Variants in ZBTB20 observed in about 807,000 individuals in gnomAD.
ZBTB20 encodes the protein zinc finger and BTB domain-containing protein 20.
In ZBTB20, 9 loss-of-function variants were observed where a neutral mutation model predicts 56.9. The observed-to-expected ratio is 0.16, with a 90% CI of 0.10 to 0.28. The LOEUF is 0.28. Among genes scored for constraint, ZBTB20 ranks in the 10% least tolerant of loss-of-function variants. The probability of loss-of-function intolerance (pLI) is 1.00; values close to 1 mark genes in which losing one functional copy is unlikely to be tolerated. For missense variants in ZBTB20, 655 were observed against 1,003.0 expected (o/e 0.65, Z 4.69); for synonymous variants, 417 against 420.7 (o/e 0.99, Z 0.11).
At chr3:115,065,650 T>A (rs1310698289) in intron 2 of ZBTB20, among the ~76,000 whole-genome samples, 1 of 152,176 alleles carries the variant, frequency 6.6e-6, no homozygotes, top group Non-Finnish European at 1.5e-5. Flanking sequence ...AGAGCTATAA[T>A]CATGCTATTC....
chr3:114,520,903 T>C (rs1559904850), intron 6 of ZBTB20, among the ~76,000 whole-genome samples: 1 of 152,128 alleles, frequency 6.6e-6, no homozygotes, highest in Non-Finnish European at 1.5e-5. Flanking sequence ...CTGCCAAAGT[T>C]CCATACCTAG....
chr3:114,374,357 C>T (rs2083375670), intron 10 of ZBTB20, among the ~76,000 whole-genome samples: 1 of 152,198 alleles, frequency 6.6e-6, no homozygotes, highest in Non-Finnish European at 1.5e-5. Context: ...ACCAAAGACA[C>T]TCTATTACTG....
intron 6 of ZBTB20, among the ~76,000 whole-genome samples, chr3:114,590,023 T>C (rs1016880034): frequency 2.0e-5 from 3 of 152,212 alleles, no homozygotes; most frequent in African/African-American, 7.2e-5. Context: ...CTGAGTATAT[T>C]GGTAATGGGT....
At chr3:115,051,406 G>C (rs2081542419) in intron 2 of ZBTB20, among the ~76,000 whole-genome samples, 1 of 152,098 alleles carries the variant, frequency 6.6e-6, no homozygotes, top group Admixed American at 6.5e-5. Flanking sequence ...CTGAGAAAGT[G>C]ATGTTTAAGC....
intron 6 of ZBTB20, among the ~76,000 whole-genome samples, chr3:114,619,396 G>T (rs565188432): frequency 5.3e-5 from 8 of 152,234 alleles, no homozygotes; most frequent in South Asian, 2.1e-4. Flanking sequence ...AAAAAAATTG[G>T]TTTAGGGGAC....
chr3:114,719,716 T>C (rs1470013043), intron 5 of ZBTB20, among the ~76,000 whole-genome samples: 3 of 152,142 alleles, frequency 2.0e-5, no homozygotes, highest in Non-Finnish European at 4.4e-5. Flanking sequence ...TATTGTTCTC[T>C]GGTTAGGATT....
chr3:115,079,851 GCATTA>G lies in ZBTB20; in HGVS notation c.-702-8442_-702-8438del, dbSNP rs370356923. Among the ~76,000 whole-genome samples the G allele has an allele frequency of 5.8e-4, 89 of 152,282 alleles. No individual in the cohort carries two copies. In the East Asian group the frequency reaches 0.011, roughly 18 times the overall value. ...AAAATAATTGCTCAAGTGACATATT[GCATTA>G]CATTACATTACATTATTAATGGATA... On this transcript the variant is annotated intron_variant, in intron 1 of 11. Coordinates refer to ENST00000675478, the MANE Select transcript of ZBTB20 (RefSeq NM_001348800.3).
At position 114,326,033 on chromosome 3, in the gene ZBTB20, A is replaced by G. The variant is rs1395031063; in HGVS notation, c.*12972T>C. 1 of 152,076 alleles carries G rather than the reference A, an allele frequency of 6.6e-6. No homozygotes were observed. The highest frequency in any genetic ancestry group is 1.5e-5 in the Non-Finnish European group (1 of 68,008). The allele number at this position is 152,076 out of a possible 1,614,324, so 9.4% of individuals were successfully genotyped here. A position where few individuals can be genotyped will look rare whatever the true frequency, so the allele number is the denominator to read the frequency against. ...GGGGTGTGGGGAAGGAGAGAGAAGC[A>G]ATGGGGAAACAGGTGTTTCTCTACT... On this transcript the variant is annotated 3_prime_UTR_variant, in exon 12 of 12. Transcript: ENST00000675478.
In ZBTB20 at chr3:115,078,613, G is replaced by GTGTGTGTGTGTATATATA. The variant is rs769630983; in HGVS notation, c.-702-7200_-702-7199insTATATATACACACACACA. Among the ~76,000 whole-genome samples, 196 of 137,794 alleles carry GTGTGTGTGTGTATATATA rather than the reference G, an allele frequency of 1.4e-3. 1 individual carries two copies. The highest frequency in any genetic ancestry group is 5.4e-3 in the African/African-American group (190 of 35,414). The allele number at this position is 137,794 out of a possible 152,430, so 90.4% of individuals were successfully genotyped here. ...TAAGAATATGTGTGTGTGTGTGTGT[G>GTGTGTGTGTGTATATATA]TATATATATATATATATATATATAT... is the stretch of plus-strand genomic sequence containing the variant. On this transcript the variant is annotated intron_variant, in intron 1 of 11. Coordinates refer to ENST00000675478, the MANE Select transcript of ZBTB20 (RefSeq NM_001348800.3).
intron 7 of ZBTB20, among the ~76,000 whole-genome samples, chr3:114,493,180 A>C (rs1296962639): frequency 6.6e-6 from 1 of 152,228 alleles, no homozygotes; most frequent in African/African-American, 2.4e-5. Context: ...CTTGTGATTA[A>C]AACCAGTTAT....
At chr3:114,408,257 G>C (rs1447377783) in intron 7 of ZBTB20, among the ~76,000 whole-genome samples, 1 of 152,194 alleles carries the variant, frequency 6.6e-6, no homozygotes, top group Non-Finnish European at 1.5e-5. Flanking sequence ...TCTGGATACA[G>C]AGAATTTGCA....
intron 7 of ZBTB20, among the ~76,000 whole-genome samples, chr3:114,456,529 T>C (rs1369014426): frequency 6.6e-6 from 1 of 152,172 alleles, no homozygotes; most frequent in Non-Finnish European, 1.5e-5. Context: ...GCATACTATG[T>C]AGTTTTAAAG....
At chr3:114,538,601 G>A (rs1051249761) in intron 6 of ZBTB20, among the ~76,000 whole-genome samples, 2 of 151,982 alleles carry the variant, frequency 1.3e-5, no homozygotes, top group African/African-American at 2.4e-5. Context: ...ATACTGAATT[G>A]CCAAAGAGAT....
intron 6 of ZBTB20, among the ~76,000 whole-genome samples, chr3:114,688,806 T>C (rs540090810): frequency 2.0e-5 from 3 of 152,198 alleles, no homozygotes; most frequent in Admixed American, 6.5e-5. Context: ...ATTCACAGAG[T>C]GGCCATCAAA....
intron 8 of ZBTB20, among the ~76,000 whole-genome samples, chr3:114,383,982 GC>G (rs1267101296): frequency 6.6e-6 from 1 of 152,136 alleles, no homozygotes; most frequent in Admixed American, 6.5e-5. Context: ...CAGCACACTG[GC>G]TGACTCCAGC....
At chr3:114,560,944 C>T (rs7609885) in intron 6 of ZBTB20, among the ~76,000 whole-genome samples, 20,629 of 152,210 alleles carry the variant, frequency 0.14, 1,854 homozygotes, top group Admixed American at 0.26. Context: ...ACTCTGCCAT[C>T]GCATTATCAA....
At chr3:114,591,173 G>C (rs2107559971) in intron 6 of ZBTB20, among the ~76,000 whole-genome samples, 1 of 152,264 alleles carries the variant, frequency 6.6e-6, no homozygotes, top group East Asian at 1.9e-4. Context: ...GGAGGGGTTT[G>C]ATAATTCTGT....
chr3:114,959,720 TACACACACACACACAC>T (rs56785871), intron 3 of ZBTB20, among the ~76,000 whole-genome samples: 2 of 145,260 alleles, frequency 1.4e-5, no homozygotes, highest in Non-Finnish European at 3.0e-5. Flanking sequence ...TTTATATACA[TACACACACACACACAC>T]ACACACACAC....
intron 3 of ZBTB20, among the ~76,000 whole-genome samples, chr3:114,904,843 G>A (rs1441102609): frequency 6.6e-6 from 1 of 151,824 alleles, no homozygotes; most frequent in Non-Finnish European, 1.5e-5. Context: ...AATAAAGAAG[G>A]AAAAGGAAAT....
Sources: allele counts gnomAD v4.1 joint callset (sites outside exome capture counted in the v4.1 genomes callset), GRCh38; gene constraint gnomAD v4.1.1; transcripts MANE v1.5; gene names NCBI Gene and HGNC (gene_info 2026-07-23, HGNC 2026-07-21).